The following PRKG1 variants were observed in gnomAD, a reference collection of about 807,000 sequenced individuals.
PRKG1 encodes cGMP-dependent protein kinase 1.
In PRKG1, 35 loss-of-function variants were observed where a neutral mutation model predicts 88.1. That is an observed-to-expected ratio of 0.40 (90% CI 0.30 to 0.53). The LOEUF is 0.53. PRKG1 is among the 20% of genes least tolerant of loss of function. The pLI is 0.59. For missense variants in PRKG1, 540 were observed against 839.8 expected, an observed-to-expected ratio of 0.64 and a Z score of 4.41; for synonymous variants, 303 against 292.5, an observed-to-expected ratio of 1.04 and a Z score of -0.37.
At chr10:51,971,557 G>T (rs912642597) in intron 5 of PRKG1, among the ~76,000 whole-genome samples, 4 of 151,940 alleles carry the variant, frequency 2.6e-5, no homozygotes, top group Non-Finnish European at 5.9e-5. Context: ...CAATATAAAA[G>T]AATAAATGTT....
intron 3 of PRKG1, among the ~76,000 whole-genome samples, chr10:51,510,944 G>A (rs1357328834): frequency 6.6e-6 from 1 of 150,878 alleles, no homozygotes; most frequent in East Asian, 1.9e-4. Context: ...GTAGAGACGG[G>A]GTTTTTACTA....
chr10:51,417,632 TATC>T (rs1420133323), intron 2 of PRKG1, among the ~76,000 whole-genome samples: 1 of 152,198 alleles, frequency 6.6e-6, no homozygotes, highest in Non-Finnish European at 1.5e-5. Context: ...GTCTTTTATA[TATC>T]ATTATTAAAC....
intron 2 of PRKG1, among the ~76,000 whole-genome samples, chr10:51,399,404 A>G (rs1270248197): frequency 6.6e-6 from 1 of 152,170 alleles, no homozygotes; most frequent in Non-Finnish European, 1.5e-5. Flanking sequence ...AAACCTAACA[A>G]TGTGACATAC....
intron 10 of PRKG1, among the ~76,000 whole-genome samples, chr10:52,261,800 G>GT (rs1841440333): frequency 6.6e-6 from 1 of 152,080 alleles, no homozygotes; most frequent in Non-Finnish European, 1.5e-5. Context: ...AATAGAATTA[G>GT]TATTTTTTGT....
chr10:52,131,198 T>C (rs576838388), intron 7 of PRKG1, among the ~76,000 whole-genome samples: 2 of 152,310 alleles, frequency 1.3e-5, no homozygotes, highest in South Asian at 4.1e-4. Context: ...AAGCATGTTG[T>C]ATGTGTGAGG....
intron 3 of PRKG1, among the ~76,000 whole-genome samples, chr10:51,595,391 G>A (rs1264204881): frequency 1.3e-5 from 2 of 152,132 alleles, no homozygotes; most frequent in Non-Finnish European, 2.9e-5. Flanking sequence ...AACTTTGGGA[G>A]GTCAAGGCAG....
intron 2 of PRKG1, among the ~76,000 whole-genome samples, chr10:51,285,141 C>T (rs150547718): frequency 0.065 from 9,247 of 142,592 alleles, 974 homozygotes; most frequent in African/African-American, 0.22. Context: ...TGAGAATATG[C>T]GGTGTTTGGT....
At chr10:51,725,435 CT>C (rs35443695) in intron 3 of PRKG1, among the ~76,000 whole-genome samples, 1,699 of 146,356 alleles carry the variant, frequency 0.012, 32 homozygotes, top group African/African-American at 0.039. Context: ...ACTTAGGCAA[CT>C]TTTTTTTTTT....
intron 3 of PRKG1, among the ~76,000 whole-genome samples, chr10:51,686,329 G>C (rs1003659227): frequency 6.6e-6 from 1 of 152,028 alleles, no homozygotes; most frequent in Admixed American, 6.6e-5. Flanking sequence ...CCCAGTGCCT[G>C]TTGTTCCTCT....
At chr10:51,843,369 T>G (rs1840326762) in intron 4 of PRKG1, among the ~76,000 whole-genome samples, 1 of 152,198 alleles carries the variant, frequency 6.6e-6, no homozygotes, top group Non-Finnish European at 1.5e-5. Context: ...TGCGTTGGGG[T>G]ATACCAAGTC....
chr10:51,036,746 C>A (rs1843358992), intron 1 of PRKG1, among the ~76,000 whole-genome samples: 1 of 152,102 alleles, frequency 6.6e-6, no homozygotes, highest in African/African-American at 2.4e-5. Flanking sequence ...TAATCCAATT[C>A]CAAGTTTTGA....
chr10:51,816,536 C>CGCGTGTGTGTGT (rs769022267), intron 4 of PRKG1, among the ~76,000 whole-genome samples: 2 of 98,378 alleles, frequency 2.0e-5, no homozygotes, highest in African/African-American at 6.0e-5. Context: ...ATAATTTTGG[C>CGCGTGTGTGTGT]ATGTGTGTGT....
At chr10:51,542,593 G>A (rs1477003696) in intron 3 of PRKG1, among the ~76,000 whole-genome samples, 3 of 152,180 alleles carry the variant, frequency 2.0e-5, no homozygotes, top group Non-Finnish European at 4.4e-5. Flanking sequence ...TGGGGCCAGT[G>A]CCAATGCTCA....
rs1039797294 is a variant in PRKG1 at position 52,048,327 on chromosome 10, A to G, written c.763-6157A>G. On this transcript the variant is annotated intron_variant, in intron 5 of 17. Coordinates refer to ENST00000373980, the MANE Select transcript of PRKG1 (RefSeq NM_006258.4). ...AATGATGTAATCTTGGGCTGAAATA[A>G]TTTAGGGTGAGAATTTATTTCAGAA... is the stretch of plus-strand genomic sequence containing the variant. 3.3e-5 allele frequency among the ~76,000 whole-genome samples: 5 copies of G among 152,274 alleles called. 1 individual carries two copies. Among genetic ancestry groups the G allele is most frequent in the African/African-American group, 1.2e-4 (5 of 41,566 alleles).
chr10:51,687,905 A>G (rs142799717), intron 3 of PRKG1, among the ~76,000 whole-genome samples: 10 of 152,306 alleles, frequency 6.6e-5, no homozygotes, highest in Middle Eastern at 6.8e-3. Flanking sequence ...AGTAGATCCA[A>G]TGTTCACTCA....
chr10:51,805,874 A>G (rs1207428844), intron 4 of PRKG1, among the ~76,000 whole-genome samples: 1 of 152,194 alleles, frequency 6.6e-6, no homozygotes, highest in Admixed American at 6.5e-5. Context: ...AATTACTGTC[A>G]GCAGGGTGTT....
At chr10:51,026,891 T>C (rs1843213598) in intron 1 of PRKG1, among the ~76,000 whole-genome samples, 1 of 152,196 alleles carries the variant, frequency 6.6e-6, no homozygotes, top group African/African-American at 2.4e-5. Flanking sequence ...AGCATTAAGA[T>C]TAGCTTTTGA....
chr10:51,853,614 A>G (rs948500160), intron 4 of PRKG1, among the ~76,000 whole-genome samples: 2 of 152,186 alleles, frequency 1.3e-5, no homozygotes, highest in African/African-American at 4.8e-5. Flanking sequence ...GAATTTTAGC[A>G]GTAGTAGCTT....
At chr10:52,069,499 CAGCCTGTG>C (rs1846440427) in intron 7 of PRKG1, among the ~76,000 whole-genome samples, 1 of 152,046 alleles carries the variant, frequency 6.6e-6, no homozygotes, top group Non-Finnish European at 1.5e-5. Context: ...CACTCTCCTC[CAGCCTGTG>C]AGCCTGAGTG....
Sources: allele counts gnomAD v4.1 joint callset (sites outside exome capture counted in the v4.1 genomes callset), GRCh38; gene constraint gnomAD v4.1.1; transcripts MANE v1.5; gene names NCBI Gene and HGNC (gene_info 2026-07-23, HGNC 2026-07-21).